EXOC6B: variants seen among roughly 807,000 people sequenced by gnomAD.
EXOC6B encodes SEC15 homolog B.
EXOC6B carries 54 observed loss-of-function variants against 113.5 expected under a neutral mutation model. The observed-to-expected ratio is 0.48, with a 90% CI of 0.38 to 0.60. EXOC6B has a LOEUF of 0.60. Ranked by LOEUF, EXOC6B falls within the 20% of genes least tolerant of loss-of-function variation. The pLI, the probability that EXOC6B is intolerant of heterozygous loss-of-function variation, is 0.00. For synonymous variants in EXOC6B, 357 were observed against 339.0 expected (o/e 1.05, Z -0.58); for missense variants, 797 against 977.5 (o/e 0.82, Z 2.46).
At position 72,727,062 on chromosome 2, in the gene EXOC6B, T is replaced by A. The variant is rs544274087; in HGVS notation, c.464+3945A>T. Among the ~76,000 whole-genome samples, 6 of 152,216 alleles carry A rather than the reference T, an allele frequency of 3.9e-5. No individual in the cohort carries two copies. In the South Asian group the frequency reaches 1.0e-3, roughly 26 times the overall value. On this transcript the variant is annotated intron_variant, in intron 5 of 21. Coordinates refer to ENST00000272427, the MANE Select transcript of EXOC6B (RefSeq NM_015189.3). ...TTAAGCGTCTACACCTAGTCCCCTA[T>A]CCCAGGGGTTCTGTAACCAATACAC...
At chr2:72,665,992 G>T (rs1297476759) in intron 6 of EXOC6B, among the ~76,000 whole-genome samples, 1 of 152,126 alleles carries the variant, frequency 6.6e-6, no homozygotes, top group African/African-American at 2.4e-5. Context: ...ATGGAGAAAG[G>T]TCTAGTCTAT....
intron 18 of EXOC6B, among the ~76,000 whole-genome samples, chr2:72,400,467 G>A (rs1425720402): frequency 6.6e-6 from 1 of 151,976 alleles, no homozygotes; most frequent in Non-Finnish European, 1.5e-5. Flanking sequence ...GAAAGCATCT[G>A]CACAGTGAAA....
intron 7 of EXOC6B, among the ~76,000 whole-genome samples, chr2:72,562,107 G>A (rs1319423439): frequency 6.6e-6 from 1 of 152,136 alleles, no homozygotes; most frequent in Non-Finnish European, 1.5e-5. Flanking sequence ...AGAGTGCTGT[G>A]AGGATAAAGC....
chr2:72,607,680 A>G (rs2104055025), intron 6 of EXOC6B, among the ~76,000 whole-genome samples: 1 of 152,270 alleles, frequency 6.6e-6, no homozygotes, highest in South Asian at 2.1e-4. Context: ...TGGGGTTTAC[A>G]TGGTAATTGA....
At chr2:72,602,129 G>A (rs1402840745) in intron 6 of EXOC6B, among the ~76,000 whole-genome samples, 1 of 152,092 alleles carries the variant, frequency 6.6e-6, no homozygotes, top group African/African-American at 2.4e-5. Flanking sequence ...TGAAATGTAG[G>A]TTCAGGTAAA....
rs186365001 is a variant in EXOC6B, at chr2:72,286,203, T to C, written c.2196+48744A>G. 9.8e-5 allele frequency among the ~76,000 whole-genome samples: 15 copies of C among 152,336 alleles called. No homozygotes were observed. In the East Asian group the frequency reaches 2.7e-3, roughly 27 times the overall value. Reference sequence around the variant, plus strand: ...ACAAAAATCTGCACATGAATGTTTATAGCAACTACAGTCATAATTGCTGAA... The same window carrying C: ...ACAAAAATCTGCACATGAATGTTTACAGCAACTACAGTCATAATTGCTGAA... On this transcript the variant is annotated intron_variant, in intron 20 of 21. Coordinates refer to ENST00000272427, the MANE Select transcript of EXOC6B (RefSeq NM_015189.3).
At chr2:72,342,535 T>C (rs772942217) in intron 19 of EXOC6B, among the ~76,000 whole-genome samples, 1 of 152,118 alleles carries the variant, frequency 6.6e-6, no homozygotes, top group Non-Finnish European at 1.5e-5. Context: ...ATACAAGATA[T>C]AATGAACGTT....
chr2:72,637,509 C>T (rs1672929581), intron 6 of EXOC6B, among the ~76,000 whole-genome samples: 1 of 146,262 alleles, frequency 6.8e-6, no homozygotes, highest in Admixed American at 7.2e-5. Flanking sequence ...CATAGTCTGG[C>T]CAGGTGCAGT....
At chr2:72,182,956 T>C in intron 21 of EXOC6B, 1 of 1,200,270 alleles carries the variant, frequency 8.3e-7, no homozygotes, top group Non-Finnish European at 1.0e-6. Context: ...AAAGTTAAAA[T>C]GGAAACATCA....
intron 17 of EXOC6B, among the ~76,000 whole-genome samples, chr2:72,479,802 T>C (rs566515946): frequency 6.6e-6 from 1 of 152,288 alleles, no homozygotes; most frequent in South Asian, 2.1e-4. Context: ...TTTCTTCCCA[T>C]TTGATCCAGC....
At chr2:72,258,631 A>G (rs1039327705) in intron 20 of EXOC6B, among the ~76,000 whole-genome samples, 3 of 151,924 alleles carry the variant, frequency 2.0e-5, no homozygotes, top group Admixed American at 6.6e-5. Flanking sequence ...TAGCCACTCA[A>G]AGTGCTGGGA....
intron 6 of EXOC6B, among the ~76,000 whole-genome samples, chr2:72,654,250 G>A (rs924220264): frequency 2.0e-5 from 3 of 152,172 alleles, no homozygotes; most frequent in Admixed American, 1.3e-4. Context: ...GATTACAGGC[G>A]TGAGCCAATG....
chr2:72,430,218 C>T (rs1695440387), intron 18 of EXOC6B, among the ~76,000 whole-genome samples: 2 of 152,226 alleles, frequency 1.3e-5, no homozygotes, highest in African/African-American at 4.8e-5. Flanking sequence ...ATACCTTCTG[C>T]TCATCTATAA....
chr2:72,284,107 AG>A (rs1685284888), intron 20 of EXOC6B, among the ~76,000 whole-genome samples: 1 of 152,180 alleles, frequency 6.6e-6, no homozygotes, highest in Non-Finnish European at 1.5e-5. Flanking sequence ...CAGAAGTAGA[AG>A]GATACTTCCT....
intron 6 of EXOC6B, among the ~76,000 whole-genome samples, chr2:72,711,532 T>G (rs1679273041): frequency 6.6e-6 from 1 of 152,112 alleles, no homozygotes; most frequent in South Asian, 2.1e-4. Flanking sequence ...CCCCCATATA[T>G]CCCTGAAACC....
chr2:72,515,244 T>G, intron 8 of EXOC6B, 118 bp from the exon 9 acceptor site: 1 of 1,015,340 alleles, frequency 9.8e-7, no homozygotes, highest in Non-Finnish European at 1.5e-6. Context: ...TCTCAAAATC[T>G]GCTATTTTAA....
chr2:72,731,118 T>A (rs1246225109), intron 4 of EXOC6B, 37 bp downstream of exon 4: 1 of 1,567,028 alleles, frequency 6.4e-7, no homozygotes, highest in Non-Finnish European at 8.7e-7. Flanking sequence ...AAAAAAAAAA[T>A]TACACCAAGA....
chr2:72,457,876 AT>A (rs1398148253), intron 18 of EXOC6B, among the ~76,000 whole-genome samples: 2 of 152,082 alleles, frequency 1.3e-5, no homozygotes, highest in Non-Finnish European at 2.9e-5. Context: ...AAATTAAATA[AT>A]TTTCTCCTCT....
In EXOC6B at chr2:72,408,873, C is replaced by A. The variant is rs186439759; in HGVS notation, c.1981-29003G>T. Among the ~76,000 whole-genome samples, 871 of 152,140 alleles carry A rather than the reference C, an allele frequency of 5.7e-3. 20 individuals are homozygous for A. The highest frequency in any genetic ancestry group is 0.042 in the Admixed American group (636 of 15,256). ...AAGACAAAATTGACAAATGGGATCTCATTAAACTAAAGAGCTTCTGCACAG... is the reference window on the plus strand; with the variant it reads ...AAGACAAAATTGACAAATGGGATCTAATTAAACTAAAGAGCTTCTGCACAG... On this transcript the variant is annotated intron_variant, in intron 18 of 21. Coordinates refer to ENST00000272427, the MANE Select transcript of EXOC6B (RefSeq NM_015189.3).
Sources: allele counts gnomAD v4.1 joint callset (sites outside exome capture counted in the v4.1 genomes callset), GRCh38; gene constraint gnomAD v4.1.1; transcripts MANE v1.5; gene names NCBI Gene and HGNC (gene_info 2026-07-23, HGNC 2026-07-21).